The following AGTPBP1 variants were observed in gnomAD, a reference collection of about 807,000 sequenced individuals.
AGTPBP1 encodes cytosolic carboxypeptidase 1.
A neutral mutation model predicts 143.9 loss-of-function variants in AGTPBP1; 70 were observed. The ratio of observed to expected loss-of-function variants is 0.49; its 90% CI spans 0.40 to 0.59. The LOEUF is 0.59. Among genes scored for constraint, AGTPBP1 ranks in the 20% least tolerant of loss-of-function variants. The probability of loss-of-function intolerance (pLI) is 0.00; values close to 1 mark genes in which losing one functional copy is unlikely to be tolerated. For synonymous variants in AGTPBP1, 463 were observed against 500.2 expected, an observed-to-expected ratio of 0.93 and a Z score of 0.99; for missense variants, 1,229 against 1,464.5, an observed-to-expected ratio of 0.84 and a Z score of 2.62.
At chr9:85,760,608 G>T in the AGTPBP1 span, among the ~76,000 whole-genome samples, 2 of 151,918 alleles carry the variant, frequency 1.3e-5, no homozygotes, top group Non-Finnish European at 2.9e-5. Context: ...TAGGTATTGA[G>T]GGGACATATC....
In AGTPBP1 at chr9:85,660,918, T is replaced by C. The variant is rs1471307505; in HGVS notation, c.700+18A>G. Reference sequence around the variant, plus strand: ...TCAGAAAAATAGTATCTAGTATTTCTAGTATTTAAAAACTTACTTGATTTT... The same window carrying C: ...TCAGAAAAATAGTATCTAGTATTTCCAGTATTTAAAAACTTACTTGATTTT... On this transcript the variant is annotated intron_variant, in intron 9 of 25. Coordinates refer to ENST00000357081, the MANE Select transcript of AGTPBP1 (RefSeq NM_001330701.2). 18 of 1,541,946 alleles carry C rather than the reference T, an allele frequency of 1.2e-5. No homozygotes were observed. The highest frequency in any genetic ancestry group is 1.6e-5 in the Non-Finnish European group (18 of 1,136,894).
At chr9:85,685,307 C>G (rs1835423484) in intron 3 of AGTPBP1, among the ~76,000 whole-genome samples, 1 of 151,626 alleles carries the variant, frequency 6.6e-6, no homozygotes, top group Non-Finnish European at 1.5e-5. Context: ...AAAACTATAG[C>G]CAGTCAAACT....
chr9:85,650,843 C>T (rs1178135529), intron 11 of AGTPBP1, among the ~76,000 whole-genome samples: 2 of 152,146 alleles, frequency 1.3e-5, no homozygotes, highest in African/African-American at 2.4e-5. Flanking sequence ...GTATTTGGCA[C>T]ATGTGTTATC....
intron 13 of AGTPBP1, among the ~76,000 whole-genome samples, chr9:85,636,843 A>G (rs2133760595): frequency 6.6e-6 from 1 of 152,188 alleles, no homozygotes; most frequent in East Asian, 1.9e-4. Context: ...TAAATCCCAA[A>G]CAGGATTTTA....
At chr9:85,714,272 A>G (rs546242565) in intron 1 of AGTPBP1, among the ~76,000 whole-genome samples, 3 of 152,340 alleles carry the variant, frequency 2.0e-5, no homozygotes, top group Non-Finnish European at 2.9e-5. Context: ...AAGAGGGTCC[A>G]TAGGTGGGAA....
At position 85,630,391 on chromosome 9, in the gene AGTPBP1, C is replaced by CTTATTTATTTATTTAT. The variant is rs201466007; in HGVS notation, c.2015+2270_2015+2271insATAAATAAATAAATAA. Among the ~76,000 whole-genome samples, 1,009 of 151,462 alleles carry CTTATTTATTTATTTAT rather than the reference C, an allele frequency of 6.7e-3. 19 individuals are homozygous for CTTATTTATTTATTTAT. Among genetic ancestry groups the CTTATTTATTTATTTAT allele is most frequent in the African/African-American group, 0.023 (939 of 40,996 alleles). On this transcript the variant is annotated intron_variant, in intron 14 of 25. Coordinates refer to ENST00000357081, the MANE Select transcript of AGTPBP1 (RefSeq NM_001330701.2). ...CAGGATTGACTTACTTACTTACTTA[C>CTTATTTATTTATTTAT]TTATTTATTTAGTTATTTATTTATT...
Position 85,677,483 on chromosome 9 carries a change from T to A in AGTPBP1, c.389A>T (p.Asp130Val), listed in dbSNP as rs1834903413. The A allele has an allele frequency of 6.2e-7, 1 of 1,605,878 alleles. No individual in the cohort carries two copies. ...NASKESPPHE[D>V]LMVQIHSILA... ...AATAGAATGAATCTGTACCATTAAG[T>A]CCTCATGTGGGGGAGATTCTTTGCT... Residue 130 changes from aspartate (D) to valine (V), a missense_variant, in exon 6 of 26, where the codon GAC becomes GTC. Coordinates refer to ENST00000357081, the MANE Select transcript of AGTPBP1 (RefSeq NM_001330701.2).
the AGTPBP1 span, among the ~76,000 whole-genome samples, chr9:85,800,460 C>G: frequency 0.058 from 8,812 of 152,248 alleles, 833 homozygotes; most frequent in African/African-American, 0.19. Flanking sequence ...TCAGTGATCA[C>G]TCATCCATCT....
chr9:85,790,846 G>A, the AGTPBP1 span, among the ~76,000 whole-genome samples: 4 of 152,124 alleles, frequency 2.6e-5, no homozygotes, highest in Admixed American at 1.3e-4. Flanking sequence ...ATCCCTATAT[G>A]CCCAAGGAAC....
At chr9:85,688,137 T>C (rs918413773) in intron 3 of AGTPBP1, among the ~76,000 whole-genome samples, 1 of 65,096 alleles carries the variant, frequency 1.5e-5, no homozygotes, top group African/African-American at 6.1e-5. Context: ...AAAAAGAGCA[T>C]ATTAAACTCA....
chr9:85,693,925 G>C (rs549668513), intron 2 of AGTPBP1, among the ~76,000 whole-genome samples: 1 of 152,138 alleles, frequency 6.6e-6, no homozygotes, highest in African/African-American at 2.4e-5. Context: ...AAAAAGAGCT[G>C]TCCAGAAAAA....
intron 14 of AGTPBP1, among the ~76,000 whole-genome samples, chr9:85,627,660 C>T (rs1025137400): frequency 1.4e-4 from 22 of 152,166 alleles, no homozygotes; most frequent in Non-Finnish European, 5.9e-5. Flanking sequence ...TTTCCTTCCC[C>T]TTTGCCCCTG....
chr9:85,709,761 T>C (rs1225559270), intron 2 of AGTPBP1, among the ~76,000 whole-genome samples: 1 of 152,020 alleles, frequency 6.6e-6, no homozygotes, highest in Non-Finnish European at 1.5e-5. Context: ...AAGAATAAAT[T>C]AGTATTTTGA....
intron 1 of AGTPBP1, among the ~76,000 whole-genome samples, chr9:85,735,023 A>G (rs1185097332): frequency 6.6e-6 from 1 of 152,212 alleles, no homozygotes; most frequent in Non-Finnish European, 1.5e-5. Context: ...CAACACAGCG[A>G]GACTCCATCT....
intron 13 of AGTPBP1, among the ~76,000 whole-genome samples, chr9:85,641,951 G>GGCCTCCCA (rs1832502189): frequency 6.6e-6 from 1 of 151,952 alleles, no homozygotes; most frequent in Non-Finnish European, 1.5e-5. Context: ...TGCCCACCTC[G>GGCCTCCCA]GCCTCCCAAA....
rs192496593 is a variant in AGTPBP1, at chr9:85,552,286, A to C, written c.3504-5000T>G. On this transcript the variant is annotated intron_variant, in intron 25 of 25. Coordinates refer to ENST00000357081, the MANE Select transcript of AGTPBP1 (RefSeq NM_001330701.2). The stretch of plus-strand genomic sequence containing the variant: ...TCCAACTGATTTCTGAAGAGAACAA[A>C]AAATGTTTACTTTATGCAGATTCAG... 1.7e-3 allele frequency among the ~76,000 whole-genome samples: 252 copies of C among 152,322 alleles called. 1 individual carries two copies. The highest frequency in any genetic ancestry group is 4.9e-3 in the African/African-American group (204 of 41,574).
rs186915686 is a variant in AGTPBP1, at chr9:85,740,796, C to A, written c.-34+979G>T. Among the ~76,000 whole-genome samples, 126 of 152,200 alleles carry A rather than the reference C, an allele frequency of 8.3e-4. 1 individual carries two copies. The highest frequency in any genetic ancestry group is 3.4e-3 in the Middle Eastern group (1 of 294). On this transcript the variant is annotated intron_variant, in intron 1 of 25. Coordinates refer to ENST00000357081, the MANE Select transcript of AGTPBP1 (RefSeq NM_001330701.2). ...TTAAACACAACTACAATGTTAAACA[C>A]CTGAAGGAAAAAACCCACATAGAAT...
chr9:85,762,439 G>A, the AGTPBP1 span, among the ~76,000 whole-genome samples: 1 of 152,044 alleles, frequency 6.6e-6, no homozygotes, highest in Non-Finnish European at 1.5e-5. Context: ...TACTATGCAG[G>A]CATAAAAAAT....
At chr9:85,751,833 C>T in the AGTPBP1 span, among the ~76,000 whole-genome samples, 1 of 151,466 alleles carries the variant, frequency 6.6e-6, no homozygotes, top group Non-Finnish European at 1.5e-5. Context: ...TCTTGAACTC[C>T]TGACCTCAGG....
Sources: gnomAD v4.1 joint callset for allele counts (sites outside exome capture counted in the v4.1 genomes callset) on GRCh38, gnomAD v4.1.1 for gene constraint, MANE v1.5 for transcripts, NCBI Gene and HGNC (gene_info 2026-07-23, HGNC 2026-07-21) for gene names.